The following PGAM5 variants were observed in gnomAD, a reference collection of about 807,000 sequenced individuals.
PGAM5 encodes the protein PGAM family member 5, mitochondrial serine/threonine protein phosphatase.
PGAM5 carries 25 observed loss-of-function variants against 30.6 expected under a neutral mutation model. The ratio of observed to expected loss-of-function variants is 0.82; its 90% confidence interval spans 0.60 to 1.14. The LOEUF (loss-of-function observed/expected upper bound fraction) is 1.14, where lower values mean the gene tolerates loss of function less well. Ranked by LOEUF, PGAM5 falls within the 50% of genes most tolerant of loss-of-function variation. The probability of loss-of-function intolerance (pLI) is 0.00; values close to 1 mark genes in which losing one functional copy is unlikely to be tolerated. For synonymous variants in PGAM5, 201 were observed against 179.1 expected (o/e 1.12, Z -0.98); for missense variants, 384 against 408.5 (o/e 0.94, Z 0.52).
At chr12:132,718,721 C>T (rs774020567) in intron 5 of PGAM5, 6 of 1,607,790 alleles carry the variant, frequency 3.7e-6, no homozygotes, top group Admixed American at 1.7e-5. Flanking sequence ...CCCTCAAACT[C>T]GACCAACCAC....
Position 132,720,726 on chromosome 12 carries a change from T to C in PGAM5, c.768T>C (p.Asn256=). ...PEGWLRLSLN[N]GSITHLVIRP... The stretch of plus-strand genomic sequence containing the variant: ...GCTGGCTCCGGCTCTCCCTCAATAA[T>C]GGCAGCATCACCCACCTGGTGATCC... Residue 256 remains asparagine, a synonymous_variant, in exon 6 of 6, where the codon AAT becomes AAC. Coordinates refer to ENST00000498926, the MANE Select transcript of PGAM5 (RefSeq NM_001170543.2). The C allele has an allele frequency of 1.3e-6, 2 of 1,536,332 alleles. No homozygotes were observed. Among genetic ancestry groups the C allele is most frequent in the Non-Finnish European group, 8.7e-7 (1 of 1,146,864 alleles).
rs1349402448 is a variant in PGAM5, at chr12:132,721,421, C to G, written c.*593C>G. 6.6e-6 allele frequency: 1 copy of G among 152,192 alleles called. No homozygotes were observed. Among genetic ancestry groups the G allele is most frequent in the African/African-American group, 2.4e-5 (1 of 41,430 alleles). The allele number at this position is 152,192 out of a possible 1,614,324, so 9.4% of individuals were successfully genotyped here. A position where few individuals can be genotyped will look rare whatever the true frequency, so the allele number is the denominator to read the frequency against. On this transcript the variant is annotated 3_prime_UTR_variant, in exon 6 of 6. Coordinates refer to ENST00000498926, the MANE Select transcript of PGAM5 (RefSeq NM_001170543.2). ...CCTGGACAAGGCAACATAGCGAGAC[C>G]CTGTCTCTACTAAAAATACAGAACT...
At chr12:132,718,166 TAG>T in intron 5 of PGAM5, 46 bp downstream of exon 5, 1 of 1,607,902 alleles carries the variant, frequency 6.2e-7, no homozygotes. Flanking sequence ...ATTTCAGACT[TAG>T]AGAAAAGCAT....
At chr12:132,719,303 G>A (rs2043620357) in intron 5 of PGAM5, 33 of 1,002,314 alleles carry the variant, frequency 3.3e-5, no homozygotes, top group Non-Finnish European at 3.6e-5. Context: ...GCTGGGCCCT[G>A]GTCTCTGCCC....
Position 132,721,072 on chromosome 12 carries a change from A to G in PGAM5, c.*244A>G. The stretch of plus-strand genomic sequence containing the variant: ...GGTGAAAGCGTCTCACGCACAAGTC[A>G]GGCCTGTTGTGGGGACTTGAAAGAG... On this transcript the variant is annotated 3_prime_UTR_variant, in exon 6 of 6. Transcript: ENST00000498926. 2.5e-6 allele frequency: 1 copy of G among 401,620 alleles called. No individual in the cohort carries two copies. Among genetic ancestry groups the G allele is most frequent in the Non-Finnish European group, 4.5e-6 (1 of 224,290 alleles). 24.9% of individuals were successfully genotyped at this position (401,620 alleles called of 1,614,324 possible). A position where few individuals can be genotyped will look rare whatever the true frequency, so the allele number is the denominator to read the frequency against.
In PGAM5 at chr12:132,720,542, T is replaced by C. The variant is rs140585814; in HGVS notation, c.720-136T>C. On this transcript the variant is annotated intron_variant, in intron 5 of 5. Coordinates refer to ENST00000498926, the MANE Select transcript of PGAM5 (RefSeq NM_001170543.2). ...TGGGATGGTCTCGATCTCCTGACCTTGTGATCCACCCGCCTGGCCTCCCAA... is the reference window on the plus strand; with the variant it reads ...TGGGATGGTCTCGATCTCCTGACCTCGTGATCCACCCGCCTGGCCTCCCAA... The C allele has an allele frequency of 1.8e-4, 146 of 825,354 alleles. 1 individual carries two copies. Among genetic ancestry groups the C allele is most frequent in the Non-Finnish European group, 2.4e-4 (130 of 546,906 alleles). The allele number at this position is 825,354 out of a possible 1,614,324, so 51.1% of individuals were successfully genotyped here. A position where few individuals can be genotyped will look rare whatever the true frequency, so the allele number is the denominator to read the frequency against.
Position 132,721,009 on chromosome 12 carries a change from T to C in PGAM5, c.*181T>C. The C allele has an allele frequency of 1.4e-6, 1 of 720,214 alleles. No homozygotes were observed. The highest frequency in any genetic ancestry group is 2.2e-6 in the Non-Finnish European group (1 of 460,264). The allele number at this position is 720,214 out of a possible 1,614,324, so 44.6% of individuals were successfully genotyped here. A position where few individuals can be genotyped will look rare whatever the true frequency, so the allele number is the denominator to read the frequency against. On this transcript the variant is annotated 3_prime_UTR_variant, in exon 6 of 6. Coordinates refer to ENST00000498926, the MANE Select transcript of PGAM5 (RefSeq NM_001170543.2). ...AGCCTGACTTCTCTGCAGGGTTTTA[T>C]ACCTGACCATGAACCCCCAGGATGG... is the stretch of plus-strand genomic sequence containing the variant.
At chr12:132,715,943 C>G (rs567807593) in intron 2 of PGAM5, among the ~76,000 whole-genome samples, 1 of 152,212 alleles carries the variant, frequency 6.6e-6, no homozygotes, top group Non-Finnish European at 1.5e-5. Flanking sequence ...AGACCAAATG[C>G]AGTGCATATC....
rs2043656220 is a variant in PGAM5 at position 132,722,468 on chromosome 12, T to A, written c.*1640T>A. ...TTTCACCGTGTTGGCCAGGCTGGTC[T>A]CGAACTCCTGACCTCGTGATCTACC... On this transcript the variant is annotated 3_prime_UTR_variant, in exon 6 of 6. Coordinates refer to ENST00000498926, the MANE Select transcript of PGAM5 (RefSeq NM_001170543.2). 6.6e-6 allele frequency: 1 copy of A among 151,872 alleles called. No homozygotes were observed. Among genetic ancestry groups the A allele is most frequent in the Non-Finnish European group, 1.5e-5 (1 of 67,974 alleles). 9.4% of individuals were successfully genotyped at this position (151,872 alleles called of 1,614,324 possible).
chr12:132,719,571 C>T (rs2043622566), intron 5 of PGAM5, among the ~76,000 whole-genome samples: 1 of 152,216 alleles, frequency 6.6e-6, no homozygotes, highest in African/African-American at 2.4e-5. Context: ...GCTGCCACCA[C>T]CACCTTGTGT....
intron 2 of PGAM5, among the ~76,000 whole-genome samples, chr12:132,715,434 A>T (rs2043565968): frequency 6.6e-6 from 1 of 151,656 alleles, no homozygotes; most frequent in Admixed American, 6.6e-5. Flanking sequence ...AGCCAGGTGC[A>T]GTGGTGGGCG....
chr12:132,715,684 G>A (rs151262346), intron 2 of PGAM5, among the ~76,000 whole-genome samples: 1 of 152,158 alleles, frequency 6.6e-6, no homozygotes, highest in African/African-American at 2.4e-5. Flanking sequence ...TTCGAGACCA[G>A]CCTGGCCAAC....
At chr12:132,716,423 G>T (rs1342409660) in intron 2 of PGAM5, among the ~76,000 whole-genome samples, 1 of 151,752 alleles carries the variant, frequency 6.6e-6, no homozygotes, top group Admixed American at 6.6e-5. Flanking sequence ...TAGAGATGGG[G>T]TTTCACCATA....
intron 2 of PGAM5, 74 bp from the exon 3 acceptor site, chr12:132,717,356 GCGTGTTTGC>G (rs1380525532): frequency 2.8e-5 from 40 of 1,423,256 alleles, no homozygotes; most frequent in Non-Finnish European, 3.4e-5. Flanking sequence ...GTGGAGGAGG[GCGTGTTTGC>G]GGGCGGAGGA....
At position 132,710,978 on chromosome 12, in the gene PGAM5, C is replaced by T. The variant is rs1357546767; in HGVS notation, c.102C>T (p.Gly34=). Residue 34 remains glycine (G), a synonymous_variant, in exon 1 of 6, where the codon GGC becomes GGT. Transcript: ENST00000498926. ...SAVAVGKPRA[G]GDAEPRPAEP... Reference sequence around the variant, plus strand: ...TGGCGGTAGGGAAGCCGCGCGCAGGCGGGGACGCGGAGCCACGCCCGGCTG... The same window carrying T: ...TGGCGGTAGGGAAGCCGCGCGCAGGTGGGGACGCGGAGCCACGCCCGGCTG... 8 of 1,194,316 alleles carry T rather than the reference C, an allele frequency of 6.7e-6. No homozygotes were observed. Among genetic ancestry groups the T allele is most frequent in the Non-Finnish European group, 8.3e-6 (8 of 964,516 alleles). 74.0% of individuals were successfully genotyped at this position (1,194,316 alleles called of 1,614,324 possible). A position where few individuals can be genotyped will look rare whatever the true frequency, so the allele number is the denominator to read the frequency against.
intron 5 of PGAM5, among the ~76,000 whole-genome samples, chr12:132,718,384 GGTGGGGGGTCCTGA>G (rs2043605552): frequency 8.9e-6 from 1 of 111,942 alleles, no homozygotes; most frequent in Non-Finnish European, 1.8e-5. Context: ...GTGCGTGCTG[GGTGGGGGGTCCTGA>G]GTGGGGTGCG....
intron 5 of PGAM5, chr12:132,719,163 A>T (rs1243791233): frequency 2.4e-6 from 3 of 1,243,674 alleles, no homozygotes; most frequent in African/African-American, 3.1e-5. Context: ...CAAATTTGAA[A>T]CAAATTTGCC....
intron 1 of PGAM5, among the ~76,000 whole-genome samples, chr12:132,712,319 C>T (rs1486815775): frequency 6.6e-6 from 1 of 152,192 alleles, no homozygotes; most frequent in Non-Finnish European, 1.5e-5. Flanking sequence ...TTGGCTGTGA[C>T]AATTTCTCAG....
rs192757781 is a variant in PGAM5 at position 132,715,503 on chromosome 12, G to A, written c.370+467G>A. 8.0e-3 allele frequency among the ~76,000 whole-genome samples: 1,212 copies of A among 151,050 alleles called. 12 individuals are homozygous for A. The highest frequency in any genetic ancestry group is 0.028 in the African/African-American group (1,131 of 41,092). On this transcript the variant is annotated intron_variant, in intron 2 of 5. Coordinates refer to ENST00000498926, the MANE Select transcript of PGAM5 (RefSeq NM_001170543.2). ...GGAGAATGGTGTGAACCCTGGAGGC[G>A]GAGCTTGCAGTGAGCTGAGATCGCA...
Sources: allele counts gnomAD v4.1 joint callset (sites outside exome capture counted in the v4.1 genomes callset), GRCh38; gene constraint gnomAD v4.1.1; transcripts MANE v1.5; gene names NCBI Gene and HGNC (gene_info 2026-07-23, HGNC 2026-07-21).